Variants in LEPROTL1 observed in about 807,000 individuals in gnomAD.
LEPROTL1 encodes leptin receptor overlapping transcript like 1, also known as leptin receptor overlapping transcript-like 1.
LEPROTL1 carries 6 observed loss-of-function variants against 15.4 expected under a neutral mutation model. That is an observed-to-expected ratio of 0.39 (90% CI 0.21 to 0.77). The LOEUF (loss-of-function observed/expected upper bound fraction) is 0.77. LEPROTL1 is among the 30% of genes least tolerant of loss of function. The pLI, the probability that LEPROTL1 is intolerant of heterozygous loss-of-function variation, is 0.41. For synonymous variants in LEPROTL1, 56 were observed against 52.6 expected (o/e 1.06, Z -0.28); for missense variants, 128 against 158.1 (o/e 0.81, Z 1.02).
In LEPROTL1 at chr8:30,108,483, T is replaced by G. The variant is rs1802607354; in HGVS notation, c.*2621T>G. 1 of 152,176 alleles carries G rather than the reference T, an allele frequency of 6.6e-6. No individual in the cohort carries two copies. The highest frequency in any genetic ancestry group is 6.5e-5 in the Admixed American group (1 of 15,272). The allele number at this position is 152,176 out of a possible 1,614,324, so 9.4% of individuals were successfully genotyped here. ...CATTTTAAACAAAAAATATTTCTGT[T>G]TGGTACACTGTGAAGAGAGAAAAGT... On this transcript the variant is annotated 3_prime_UTR_variant, in exon 4 of 4. Coordinates refer to ENST00000321250, the MANE Select transcript of LEPROTL1 (RefSeq NM_015344.3).
chr8:30,110,525 A>G (rs1040874102), downstream of LEPROTL1, among the ~76,000 whole-genome samples: 1 of 151,968 alleles, frequency 6.6e-6, no homozygotes, highest in Admixed American at 6.6e-5. Flanking sequence ...CTTGAGGTCA[A>G]AAGTTCGAGA....
In LEPROTL1 at chr8:30,096,146, C is replaced by A. The variant is rs187253171; in HGVS notation, c.16+618C>A. ...CCCAAAGTGCTCCTGGCTCTCTTCCCTCTCCGCAGTTGCACCCTGAGGCTT... is the reference window on the plus strand; with the variant it reads ...CCCAAAGTGCTCCTGGCTCTCTTCCATCTCCGCAGTTGCACCCTGAGGCTT... On this transcript the variant is annotated intron_variant, in intron 1 of 3. Transcript: ENST00000321250. 6.2e-4 allele frequency: 224 copies of A among 360,556 alleles called. 2 individuals are homozygous for A. Among genetic ancestry groups the A allele is most frequent in the African/African-American group, 4.7e-3 (213 of 45,164 alleles). The allele number at this position is 360,556 out of a possible 1,614,324, so 22.3% of individuals were successfully genotyped here. A position where few individuals can be genotyped will look rare whatever the true frequency, so the allele number is the denominator to read the frequency against.
chr8:30,104,391 A>G lies in LEPROTL1; in HGVS notation c.184A>G (p.Met62Val). Residue 62 changes from methionine to valine, a missense_variant, in exon 3 of 4, where the codon ATG becomes GTG. By Grantham distance (21) the Met-to-Val change is conservative. Transcript: ENST00000321250. ...ARRLVDDTDA[M>V]SNACKELAIF... ...AAGATTAGTGGATGATACAGATGCT[A>G]TGAGTAACGCTTGTAAGGAACTTGC... 5.0e-6 allele frequency: 8 copies of G among 1,612,730 alleles called. No individual in the cohort carries two copies. The highest frequency in any genetic ancestry group is 5.9e-6 in the Non-Finnish European group (7 of 1,179,200).
chr8:30,118,169 C>T (rs1247992881), intron 3 of LEPROTL1, among the ~76,000 whole-genome samples: 1 of 151,706 alleles, frequency 6.6e-6, no homozygotes, highest in Admixed American at 6.6e-5. Flanking sequence ...GGATTACAGG[C>T]ACCCGCCACC....
At chr8:30,129,873 G>A (rs929796421) in intron 3 of LEPROTL1, among the ~76,000 whole-genome samples, 9 of 152,110 alleles carry the variant, frequency 5.9e-5, no homozygotes, top group Admixed American at 2.0e-4. Flanking sequence ...AAATCGTGGC[G>A]GAAGGTGAAG....
chr8:30,106,590 AT>A lies in LEPROTL1; in HGVS notation c.*733del. ...AACTTTAAGGTAAGGGTGTAAAAAC[AT>A]TTTTGAGATAAGGTTTTTATTTATG... On this transcript the variant is annotated 3_prime_UTR_variant, in exon 4 of 4. Coordinates refer to ENST00000321250, the MANE Select transcript of LEPROTL1 (RefSeq NM_015344.3). The A allele has an allele frequency of 1.0e-6, 1 of 983,500 alleles. No homozygotes were observed. The highest frequency in any genetic ancestry group is 1.2e-6 in the Non-Finnish European group (1 of 827,794). 60.9% of individuals were successfully genotyped at this position (983,500 alleles called of 1,614,324 possible).
At chr8:30,119,476 G>A (rs145441471) in intron 3 of LEPROTL1, among the ~76,000 whole-genome samples, 1,619 of 152,192 alleles carry the variant, frequency 0.011, 16 homozygotes, top group Non-Finnish European at 0.015. Context: ...CCACTGCACC[G>A]TATCTAGTTT....
intron 2 of LEPROTL1, among the ~76,000 whole-genome samples, chr8:30,103,759 A>AT (rs1802510337): frequency 6.6e-6 from 1 of 151,494 alleles, no homozygotes; most frequent in African/African-American, 2.4e-5. Context: ...AAAAAAAAAA[A>AT]TTTAGGAAAC....
intron 3 of LEPROTL1, chr8:30,132,212 C>T (rs1423513931): frequency 6.4e-7 from 1 of 1,551,864 alleles, no homozygotes; most frequent in Non-Finnish European, 8.7e-7. Context: ...CAAACGAAAC[C>T]AAACACCTGT....
chr8:30,129,742 CACACACACACACACAA>C (rs1211808759), intron 3 of LEPROTL1, among the ~76,000 whole-genome samples: 3 of 150,348 alleles, frequency 2.0e-5, no homozygotes, highest in East Asian at 2.0e-4. Flanking sequence ...CACACACACA[CACACACACACACACAA>C]AGAACTACCT....
intron 1 of LEPROTL1, among the ~76,000 whole-genome samples, chr8:30,097,479 T>G (rs1336193479): frequency 6.6e-6 from 1 of 151,822 alleles, no homozygotes; most frequent in Non-Finnish European, 1.5e-5. Context: ...AAGACCAACC[T>G]GTCCAAGATG....
chr8:30,100,458 TA>T (rs1585461365), intron 1 of LEPROTL1, among the ~76,000 whole-genome samples: 1 of 152,348 alleles, frequency 6.6e-6, no homozygotes, highest in East Asian at 1.9e-4. Context: ...CTTATTTATT[TA>T]TTTTTTTTGA....
chr8:30,109,177 A>G (rs780657360), downstream of LEPROTL1, among the ~76,000 whole-genome samples: 1 of 152,246 alleles, frequency 6.6e-6, no homozygotes, highest in Non-Finnish European at 1.5e-5. Context: ...CAATGCACCA[A>G]AGTTAACAAG....
At chr8:30,131,990 A>C in intron 3 of LEPROTL1, 1 of 1,552,158 alleles carries the variant, frequency 6.4e-7, no homozygotes, top group Non-Finnish European at 8.7e-7. Flanking sequence ...AGCAGAATAC[A>C]GTACACCATG....
intron 3 of LEPROTL1, among the ~76,000 whole-genome samples, chr8:30,105,502 A>G (rs1204689430): frequency 2.7e-5 from 4 of 149,552 alleles, no homozygotes; most frequent in Non-Finnish European, 4.4e-5. Context: ...GTATAAAAGT[A>G]CCACTTTTAT....
At chr8:30,119,251 G>A (rs1489968948) in intron 3 of LEPROTL1, among the ~76,000 whole-genome samples, 1 of 152,198 alleles carries the variant, frequency 6.6e-6, no homozygotes, top group Non-Finnish European at 1.5e-5. Flanking sequence ...GTGAGCTCAA[G>A]GTTGGGGCAA....
intron 2 of LEPROTL1, 27 bp from the exon 3 acceptor site, chr8:30,104,273 T>TA (rs1365505395): frequency 4.4e-6 from 6 of 1,370,808 alleles, no homozygotes; most frequent in Non-Finnish European, 5.9e-6. Context: ...TAGCAAAAAT[T>TA]ACATTAACTT....
chr8:30,135,368 A>G (rs1803119000), intron 4 of LEPROTL1, among the ~76,000 whole-genome samples: 1 of 152,188 alleles, frequency 6.6e-6, no homozygotes, highest in Non-Finnish European at 1.5e-5. Flanking sequence ...AGGATCAGAG[A>G]CTTGGGAGAA....
intron 2 of LEPROTL1, among the ~76,000 whole-genome samples, chr8:30,102,815 C>T (rs1450496484): frequency 6.6e-6 from 1 of 152,128 alleles, no homozygotes; most frequent in African/African-American, 2.4e-5. Context: ...TCCCCAGCCT[C>T]ACTCAAAACT....
Sources: allele counts gnomAD v4.1 joint callset (sites outside exome capture counted in the v4.1 genomes callset), GRCh38; gene constraint gnomAD v4.1.1; transcripts MANE v1.5; gene names NCBI Gene and HGNC (gene_info 2026-07-23, HGNC 2026-07-21).